Variants in MAB21L4 observed in about 807,000 individuals in gnomAD.
MAB21L4 encodes the protein protein mab-21-like 4.
MAB21L4 carries 25 observed loss-of-function variants against 32.4 expected under a neutral mutation model. The observed-to-expected ratio is 0.77, with a 90% CI of 0.56 to 1.08. The LOEUF (loss-of-function observed/expected upper bound fraction) is 1.08, where lower values mean the gene tolerates loss of function less well. Among genes scored for constraint, MAB21L4 ranks in the 50% least tolerant of loss-of-function variants. MAB21L4 has a pLI of 0.00. For synonymous variants in MAB21L4, 280 were observed against 276.8 expected, an observed-to-expected ratio of 1.01 and a Z score of -0.11; for missense variants, 638 against 611.0, an observed-to-expected ratio of 1.04 and a Z score of -0.47.
intron 1 of MAB21L4, among the ~76,000 whole-genome samples, chr2:240,894,698 A>T (rs1376948741): frequency 1.3e-5 from 2 of 152,214 alleles, no homozygotes; most frequent in Admixed American, 1.3e-4. Flanking sequence ...CCAGCTACTC[A>T]GGATTCTGAG....
In MAB21L4 at chr2:240,888,446, G is replaced by T. The variant is rs2059115329; in HGVS notation, c.1097C>A (p.Ala366Asp). Reference protein sequence around the residue: ...GAIYQRVEGFASQPEAALRIH... With the variant: ...GAIYQRVEGFDSQPEAALRIH... Reference sequence around the variant, plus strand: ...GCGCAGGGCCGCCTCGGGCTGGCTGGCGAAGCCCTCCACGCGCTGGTAGAT... The same window carrying T: ...GCGCAGGGCCGCCTCGGGCTGGCTGTCGAAGCCCTCCACGCGCTGGTAGAT... Residue 366 changes from alanine to aspartate, a missense_variant, in exon 4 of 5, where the codon GCC becomes GAC. Ala to Asp is a moderately radical substitution (Grantham distance 126). Coordinates refer to ENST00000388934, the MANE Select transcript of MAB21L4 (RefSeq NM_001085437.3). 5 of 1,571,586 alleles carry T rather than the reference G, an allele frequency of 3.2e-6. No homozygotes were observed. The highest frequency in any genetic ancestry group is 4.3e-6 in the Non-Finnish European group (5 of 1,161,388).
At chr2:240,894,333 G>A (rs1485781266) in intron 1 of MAB21L4, among the ~76,000 whole-genome samples, 1 of 152,146 alleles carries the variant, frequency 6.6e-6, no homozygotes, top group African/African-American at 2.4e-5. Flanking sequence ...TTCTGTTCCA[G>A]TCCCCAGTTC....
In MAB21L4 at chr2:240,886,875, G is replaced by A. The variant is rs555334337; in HGVS notation, c.*195C>T. ...CATCCAGGCCCTGACCCAGGGAGGAGGTGCTCCAAGAGGCCTGCCCTGCCC... is the reference window on the plus strand; with the variant it reads ...CATCCAGGCCCTGACCCAGGGAGGAAGTGCTCCAAGAGGCCTGCCCTGCCC... On this transcript the variant is annotated 3_prime_UTR_variant, in exon 5 of 5. Coordinates refer to ENST00000388934, the MANE Select transcript of MAB21L4 (RefSeq NM_001085437.3). The A allele has an allele frequency of 3.6e-6, 2 of 554,694 alleles. No individual in the cohort carries two copies. The highest frequency in any genetic ancestry group is 4.9e-5 in the South Asian group (2 of 40,722). The allele number at this position is 554,694 out of a possible 1,614,324, so 34.4% of individuals were successfully genotyped here. A position where few individuals can be genotyped will look rare whatever the true frequency, so the allele number is the denominator to read the frequency against.
chr2:240,886,207 A>T lies in MAB21L4; in HGVS notation c.*863T>A, dbSNP rs2059093388. On this transcript the variant is annotated 3_prime_UTR_variant, in exon 5 of 5. Transcript: ENST00000388934. ...AGGAAGAGAGCAAAAGGAGAGGGGG[A>T]GGGGCCACACACTCAAAAAACCAGA... 1 of 152,146 alleles carries T rather than the reference A, an allele frequency of 6.6e-6. No individual in the cohort carries two copies. Among genetic ancestry groups the T allele is most frequent in the South Asian group, 2.1e-4 (1 of 4,814 alleles). 9.4% of individuals were successfully genotyped at this position (152,146 alleles called of 1,614,324 possible).
At chr2:240,890,273 G>A in intron 2 of MAB21L4, 115 bp from the exon 3 acceptor site, 2 of 1,313,338 alleles carry the variant, frequency 1.5e-6, no homozygotes, top group Admixed American at 2.6e-5. Context: ...TGCTGCGTCT[G>A]CTGGTGGGAC....
Position 240,891,567 on chromosome 2 carries a change from G to A in MAB21L4, c.711C>T (p.Asp237=), listed in dbSNP as rs1221327193. ...SLRRILSQGV[D]LVPASAQLWR... is the part of the protein sequence containing the mutation. ...AGAGCTGGGCGCTGGCCGGCACCAG[G>A]TCCACCCCTTGGCTGAGGATCCTTC... The change falls in exon 2 of 5, where the codon GAC becomes GAT. Residue 237 remains aspartate (D), a synonymous_variant. Transcript: ENST00000388934. 6.2e-7 allele frequency: 1 copy of A among 1,610,820 alleles called. No homozygotes were observed. Among genetic ancestry groups the A allele is most frequent in the Non-Finnish European group, 8.5e-7 (1 of 1,179,808 alleles).
At chr2:240,896,530 G>A (rs918900391), upstream of MAB21L4, among the ~76,000 whole-genome samples, 6 of 152,154 alleles carry the variant, frequency 3.9e-5, no homozygotes, top group African/African-American at 1.4e-4. Flanking sequence ...GTGGCTCAGT[G>A]AGGAAGGGGA....
intron 4 of MAB21L4, among the ~76,000 whole-genome samples, chr2:240,887,536 G>T (rs572499062): frequency 1.6e-4 from 25 of 152,384 alleles, no homozygotes; most frequent in African/African-American, 5.8e-4. Flanking sequence ...AAATTCTTAA[G>T]TGTTGGGCAT....
At chr2:240,890,179 C>T (rs1207334851) in intron 2 of MAB21L4, 21 bp from the exon 3 acceptor site, 2 of 1,575,524 alleles carry the variant, frequency 1.3e-6, no homozygotes, top group East Asian at 2.3e-5. Flanking sequence ...GACAGACGCA[C>T]TGGGTCAGCC....
chr2:240,890,386 G>A (rs74002515), intron 2 of MAB21L4, among the ~76,000 whole-genome samples: 1,886 of 152,342 alleles, frequency 0.012, 30 homozygotes, highest in African/African-American at 0.042. Context: ...GAGGGATGTA[G>A]GAGCCTCCAG....
chr2:240,895,778 A>T lies in MAB21L4; in HGVS notation c.220T>A (p.Ser74Thr). 1 of 1,609,008 alleles carries T rather than the reference A, an allele frequency of 6.2e-7. No homozygotes were observed. The highest frequency in any genetic ancestry group is 1.3e-5 in the African/African-American group (1 of 74,930). ...GLEAFQFALR[S>T]SEDPMDMEVP... ...TCCATGTCCATTGGGTCCTCAGAGG[A>T]GCGCAGGGCGAACTGGAAGGCCTCC... The change falls in exon 1 of 5, where the codon TCC (serine) becomes ACC (threonine). Residue 74 changes from serine to threonine, a missense_variant. Coordinates refer to ENST00000388934, the MANE Select transcript of MAB21L4 (RefSeq NM_001085437.3).
intron 2 of MAB21L4, among the ~76,000 whole-genome samples, chr2:240,890,945 G>A (rs1011877939): frequency 6.6e-6 from 1 of 152,214 alleles, no homozygotes; most frequent in Admixed American, 6.5e-5. Context: ...CCACAGGAGG[G>A]ACATAACCAG....
rs925863163 is a variant in MAB21L4, at chr2:240,892,609, G to A, written c.515-846C>T. Among the ~76,000 whole-genome samples the A allele has an allele frequency of 5.9e-5, 9 of 151,836 alleles. No homozygotes were observed. In the South Asian group the frequency reaches 8.3e-4, roughly 14 times the overall value. ...CCCAGGCCAGCAGGCTCACAGTGAC[G>A]GAGCTCAGCCACCCCCGTTTCTGGG... On this transcript the variant is annotated intron_variant, in intron 1 of 4. Coordinates refer to ENST00000388934, the MANE Select transcript of MAB21L4 (RefSeq NM_001085437.3).
chr2:240,893,807 C>G (rs2059169858), intron 1 of MAB21L4, among the ~76,000 whole-genome samples: 1 of 151,906 alleles, frequency 6.6e-6, no homozygotes, highest in Non-Finnish European at 1.5e-5. Flanking sequence ...GGCACGGCCT[C>G]CTGCTCACCC....
At position 240,886,771 on chromosome 2, in the gene MAB21L4, A is replaced by C; in HGVS notation, c.*299T>G. On this transcript the variant is annotated 3_prime_UTR_variant, in exon 5 of 5. Transcript: ENST00000388934. ...CAGGCAGGGCCAAGTCCTCAGCTCCAGGTCTCCTGCCGATGCTGTTTGCTT... is the reference window on the plus strand; with the variant it reads ...CAGGCAGGGCCAAGTCCTCAGCTCCCGGTCTCCTGCCGATGCTGTTTGCTT... 2.5e-6 allele frequency: 1 copy of C among 405,914 alleles called. No individual in the cohort carries two copies. The highest frequency in any genetic ancestry group is 4.4e-6 in the Non-Finnish European group (1 of 225,548). 25.1% of individuals were successfully genotyped at this position (405,914 alleles called of 1,614,324 possible).
intron 3 of MAB21L4, 34 bp downstream of exon 3, chr2:240,889,971 T>A (rs893715599): frequency 6.3e-7 from 1 of 1,582,190 alleles, no homozygotes. Context: ...TGGGCCCTGG[T>A]GACAGACAAC....
intron 1 of MAB21L4, among the ~76,000 whole-genome samples, chr2:240,895,167 C>T (rs567803272): frequency 1.2e-4 from 18 of 152,354 alleles, no homozygotes; most frequent in South Asian, 8.3e-4. Flanking sequence ...AGCCACTGGA[C>T]GACTGGCAGC....
chr2:240,894,661 T>C (rs1194259953), intron 1 of MAB21L4, among the ~76,000 whole-genome samples: 1 of 152,168 alleles, frequency 6.6e-6, no homozygotes, highest in Non-Finnish European at 1.5e-5. Flanking sequence ...AAAAATTAGC[T>C]AGGCGTGGTA....
rs755447519 is a variant in MAB21L4 at position 240,895,781 on chromosome 2, G to C, written c.217C>G (p.Arg73Gly). The part of the protein sequence containing the change: ...RGLEAFQFAL[R>G]SSEDPMDMEV... Reference sequence around the variant, plus strand: ...ATGTCCATTGGGTCCTCAGAGGAGCGCAGGGCGAACTGGAAGGCCTCCAGG... The same window carrying C: ...ATGTCCATTGGGTCCTCAGAGGAGCCCAGGGCGAACTGGAAGGCCTCCAGG... The change falls in exon 1 of 5, where the codon CGC becomes GGC. Residue 73 changes from arginine to glycine, a missense_variant. Physicochemically the swap from Arg to Gly is moderately radical, Grantham distance 125. Coordinates refer to ENST00000388934, the MANE Select transcript of MAB21L4 (RefSeq NM_001085437.3). 1.9e-6 allele frequency: 3 copies of C among 1,608,748 alleles called. No homozygotes were observed. The highest frequency in any genetic ancestry group is 1.7e-5 in the Admixed American group (1 of 59,800).
Sources: gnomAD v4.1 joint callset for allele counts (sites outside exome capture counted in the v4.1 genomes callset) on GRCh38, gnomAD v4.1.1 for gene constraint, MANE v1.5 for transcripts, NCBI Gene and HGNC (gene_info 2026-07-23, HGNC 2026-07-21) for gene names.